The following USP14 variants were observed in gnomAD, a reference collection of about 807,000 sequenced individuals.
The protein encoded by USP14 is ubiquitin specific peptidase 14, also known as ubiquitin carboxyl-terminal hydrolase 14.
In USP14, 38 loss-of-function variants were observed where a neutral mutation model predicts 76.5. That is an observed-to-expected ratio of 0.50 (90% confidence interval 0.38 to 0.65). USP14 has a LOEUF of 0.65. USP14 is among the 30% of genes least tolerant of loss of function. The pLI is 0.00. For missense variants in USP14, 467 were observed against 586.5 expected (o/e 0.80, Z 2.10); for synonymous variants, 192 against 191.7 (o/e 1.00, Z -0.01).
At chr18:193,418 T>C (rs1312211999) in intron 6 of USP14, among the ~76,000 whole-genome samples, 2 of 152,208 alleles carry the variant, frequency 1.3e-5, no homozygotes, top group Admixed American at 1.3e-4. Flanking sequence ...CCTTTTTTTT[T>C]ACTCTCTCTC....
chr18:209,791 T>C (rs1910622493), intron 13 of USP14, among the ~76,000 whole-genome samples, 180 bp from the exon 14 acceptor site: 1 of 152,224 alleles, frequency 6.6e-6, no homozygotes, highest in Admixed American at 6.5e-5. Flanking sequence ...TGTTGAAGTG[T>C]AGGACTGCTG....
At chr18:163,540 A>T in intron 2 of USP14, 87 bp downstream of exon 2, 1 of 1,439,162 alleles carries the variant, frequency 6.9e-7, no homozygotes, top group Non-Finnish European at 9.3e-7. Context: ...ATTTTAATGT[A>T]GCATTTGAAG....
At chr18:172,514 A>T (rs115792860) in intron 3 of USP14, among the ~76,000 whole-genome samples, 1 of 152,210 alleles carries the variant, frequency 6.6e-6, no homozygotes, top group Admixed American at 6.5e-5. Context: ...ATAAAATGCT[A>T]TTAAACAGCA....
chr18:158,940 G>C (rs990219989), intron 1 of USP14: 4 of 529,134 alleles, frequency 7.6e-6, no homozygotes, highest in Non-Finnish European at 1.2e-5. Flanking sequence ...TGGGTGGGGG[G>C]AGTGGAGATG....
At chr18:158,789 G>C (rs945881230) in intron 1 of USP14, 75 bp downstream of exon 1, 26 of 1,319,470 alleles carry the variant, frequency 2.0e-5, no homozygotes, top group Non-Finnish European at 1.2e-5. Flanking sequence ...GCCTGCACGG[G>C]CGGGCACCCG....
At chr18:193,669 C>T (rs572424554) in intron 6 of USP14, among the ~76,000 whole-genome samples, 1 of 152,136 alleles carries the variant, frequency 6.6e-6, no homozygotes, top group Admixed American at 6.5e-5. Flanking sequence ...GACTTTTACT[C>T]TAAATGGAAT....
rs745785283 is a variant in USP14 at position 163,348 on chromosome 18, A to G, written c.57A>G (p.Glu19=). ...GAAAGGAGAAATTTGAAGGTGTAGA[A>G]TTGAATACAGATGAACCTCCAATGG... ...KWGKEKFEGV[E]LNTDEPPMVF... Residue 19 remains glutamate (E), a synonymous_variant, in exon 2 of 16, where the codon GAA becomes GAG. Transcript: ENST00000261601. 6.2e-7 allele frequency: 1 copy of G among 1,613,872 alleles called. No homozygotes were observed. The highest frequency in any genetic ancestry group is 1.7e-5 in the Admixed American group (1 of 59,972).
intron 10 of USP14, 48 bp from the exon 11 acceptor site, chr18:202,830 AAT>A (rs1156919750): frequency 6.3e-7 from 1 of 1,589,912 alleles, no homozygotes; most frequent in Admixed American, 1.7e-5. Flanking sequence ...ATATTGCAGA[AAT>A]AAAATTTTTA....
chr18:182,842 T>G (rs1909822193), intron 5 of USP14, among the ~76,000 whole-genome samples: 1 of 152,166 alleles, frequency 6.6e-6, no homozygotes, highest in Non-Finnish European at 1.5e-5. Flanking sequence ...TGCAACATAC[T>G]CAGTGCAACT....
chr18:171,021 A>ATAT (rs1555762320), intron 3 of USP14, among the ~76,000 whole-genome samples: 23 of 84,524 alleles, frequency 2.7e-4, no homozygotes, highest in African/African-American at 5.2e-4. Flanking sequence ...AAAAAAAAAA[A>ATAT]AAAAATATAT....
At chr18:210,101 C>A in intron 14 of USP14, 70 bp downstream of exon 14, 1 of 1,224,242 alleles carries the variant, frequency 8.2e-7, no homozygotes, top group East Asian at 2.4e-5. Context: ...TACATCTTAC[C>A]CCATATTTAC....
In USP14 at chr18:158,733, T is replaced by A; in HGVS notation, c.16+19T>A. The A allele has an allele frequency of 6.7e-7, 1 of 1,498,566 alleles. No homozygotes were observed. The highest frequency in any genetic ancestry group is 8.8e-7 in the Non-Finnish European group (1 of 1,132,152). The allele number at this position is 1,498,566 out of a possible 1,614,324, so 92.8% of individuals were successfully genotyped here. ...TACTCCGGTGAGCCCTGTCCTGGCC[T>A]CGCGCGCAGCACACCGGACCGGCGC... On this transcript the variant is annotated intron_variant, in intron 1 of 15. Coordinates refer to ENST00000261601, the MANE Select transcript of USP14 (RefSeq NM_005151.4).
At chr18:197,310 T>G (rs975005017) in intron 7 of USP14, among the ~76,000 whole-genome samples, 1 of 152,222 alleles carries the variant, frequency 6.6e-6, no homozygotes. Flanking sequence ...CCCTGATCAC[T>G]TACTGTTTCC....
intron 1 of USP14, 63 bp from the exon 2 acceptor site, chr18:163,245 C>G: frequency 6.8e-7 from 1 of 1,479,992 alleles, no homozygotes; most frequent in Non-Finnish European, 9.2e-7. Flanking sequence ...TGGTGATCTT[C>G]TAAGGGTCTG....
chr18:180,934 G>A (rs1909771775), intron 5 of USP14, among the ~76,000 whole-genome samples: 1 of 149,968 alleles, frequency 6.7e-6, no homozygotes, highest in Admixed American at 6.6e-5. Context: ...TCACGTTACA[G>A]CACACGTAAC....
rs1304352663 is a variant in USP14 at position 197,565 on chromosome 18, G to A, written c.595-51G>A. On this transcript the variant is annotated intron_variant, in intron 7 of 15. Transcript: ENST00000261601. Reference sequence around the variant, plus strand: ...ACAGTGATTATTTTGGAAGAACTTTGTAGATCATTCACTGCCAGGATTACT... The same window carrying A: ...ACAGTGATTATTTTGGAAGAACTTTATAGATCATTCACTGCCAGGATTACT... The A allele has an allele frequency of 3.5e-6, 5 of 1,438,736 alleles. No homozygotes were observed. In the African/African-American group the frequency reaches 7.1e-5, roughly 20 times the overall value. The allele number at this position is 1,438,736 out of a possible 1,614,324, so 89.1% of individuals were successfully genotyped here.
rs556381255 is a variant in USP14 at position 181,706 on chromosome 18, A to G, written c.404+1367A>G. Among the ~76,000 whole-genome samples, 10 of 152,076 alleles carry G rather than the reference A, an allele frequency of 6.6e-5. No homozygotes were observed. In the East Asian group the frequency reaches 9.7e-4, roughly 15 times the overall value. The stretch of plus-strand genomic sequence containing the variant: ...TACTTTTCTTGATGGTACGTTTGTA[A>G]TGCAAATGTTTTTTAATTTTGATGT... On this transcript the variant is annotated intron_variant, in intron 5 of 15. Coordinates refer to ENST00000261601, the MANE Select transcript of USP14 (RefSeq NM_005151.4).
intron 4 of USP14, among the ~76,000 whole-genome samples, chr18:179,732 C>T (rs777734381): frequency 6.7e-6 from 1 of 149,702 alleles, no homozygotes; most frequent in Admixed American, 6.7e-5. Flanking sequence ...AAATTGTAGG[C>T]GTGCACCATC....
intron 5 of USP14, among the ~76,000 whole-genome samples, chr18:190,646 G>A (rs1422803924): frequency 6.6e-6 from 1 of 152,140 alleles, no homozygotes; most frequent in Non-Finnish European, 1.5e-5. Context: ...ATAGGGACTA[G>A]AAAAGTCAAA....
Sources: gnomAD v4.1 joint callset for allele counts (sites outside exome capture counted in the v4.1 genomes callset) on GRCh38, gnomAD v4.1.1 for gene constraint, MANE v1.5 for transcripts, NCBI Gene and HGNC (gene_info 2026-07-23, HGNC 2026-07-21) for gene names.